MRNIP: variants seen among roughly 807,000 people sequenced by gnomAD.
MRNIP encodes the protein MRN complex-interacting protein.
A neutral mutation model predicts 29.8 loss-of-function variants in MRNIP; 30 were observed. That is an observed-to-expected ratio of 1.01 (90% CI 0.75 to 1.36). The LOEUF (loss-of-function observed/expected upper bound fraction) is 1.36, where lower values mean the gene tolerates loss of function less well. Ranked by LOEUF, MRNIP falls within the 40% of genes most tolerant of loss-of-function variation. The pLI is 0.00. For synonymous variants in MRNIP, 201 were observed against 164.1 expected (o/e 1.23, Z -1.72); for missense variants, 459 against 423.5 (o/e 1.08, Z -0.74).
chr5:179,845,716 G>C (rs956597168), intron 3 of MRNIP: 1 of 151,746 alleles, frequency 6.6e-6, no homozygotes, highest in Non-Finnish European at 1.5e-5. Context: ...AGCTGGGCTT[G>C]AACTCCTGAC....
intron 1 of MRNIP, among the ~76,000 whole-genome samples, chr5:179,856,109 C>T (rs542424861): frequency 3.0e-4 from 45 of 151,888 alleles, no homozygotes; most frequent in African/African-American, 1.1e-3. Context: ...GGTTTCACAA[C>T]ATTGCCCAGG....
chr5:179,858,366 C>A (rs1041008873), intron 1 of MRNIP, among the ~76,000 whole-genome samples: 3 of 152,226 alleles, frequency 2.0e-5, no homozygotes, highest in Admixed American at 6.5e-5. Context: ...GGAGCAGGGA[C>A]GCCGCCGCGG....
At chr5:179,850,861 C>T (rs1197000277) in intron 2 of MRNIP, among the ~76,000 whole-genome samples, 1 of 152,148 alleles carries the variant, frequency 6.6e-6, no homozygotes, top group African/African-American at 2.4e-5. Context: ...CAGCCTGGCC[C>T]TCAAAGCCTC....
At position 179,858,792 on chromosome 5, in the gene MRNIP, G is replaced by A. The variant is rs1244185331; in HGVS notation, c.5C>T (p.Ala2Val). Residue 2 changes from alanine (A) to valine (V), a missense_variant, in exon 1 of 7, where the codon GCG becomes GTG. Physicochemically the swap from Ala to Val is moderately conservative, Grantham distance 64 (BLOSUM62 0). Coordinates refer to ENST00000292586, the MANE Select transcript of MRNIP (RefSeq NM_016175.4). ...TAGCACCCGAGAACGCTGAAGCGAC[G>A]CCATCCCTGCTTGTGCAGTCGCCAG... M[A>V]SLQRSRVLRC... The A allele has an allele frequency of 5.8e-5, 90 of 1,540,626 alleles. No individual in the cohort carries two copies. Among genetic ancestry groups the A allele is most frequent in the Middle Eastern group, 1.7e-4 (1 of 6,000 alleles).
At chr5:179,839,978 TC>T (rs1282845206) in intron 6 of MRNIP, 1 of 152,016 alleles carries the variant, frequency 6.6e-6, no homozygotes, top group Non-Finnish European at 1.5e-5. Flanking sequence ...ATTTTTTTTT[TC>T]TGTTGCCCAG....
In MRNIP at chr5:179,841,889, C is replaced by G. The variant is rs184456586; in HGVS notation, c.449+18G>C. On this transcript the variant is annotated intron_variant, in intron 5 of 6. Coordinates refer to ENST00000292586, the MANE Select transcript of MRNIP (RefSeq NM_016175.4). ...CAGAGGCCCTGGGCCAGGGCTGGAA[C>G]GGAGACGCACTTGGTACCTTTTTCT... is the stretch of plus-strand genomic sequence containing the variant. The G allele has an allele frequency of 4.4e-5, 71 of 1,611,770 alleles. No homozygotes were observed. In the African/African-American group the frequency reaches 8.1e-4, roughly 18 times the overall value.
chr5:179,852,054 G>A (rs1013784925), intron 2 of MRNIP, among the ~76,000 whole-genome samples: 2 of 152,000 alleles, frequency 1.3e-5, no homozygotes, highest in East Asian at 3.9e-4. Context: ...ACGGAGGCAG[G>A]TGGATCATTT....
intron 1 of MRNIP, among the ~76,000 whole-genome samples, chr5:179,857,324 G>C (rs1432572644): frequency 6.6e-6 from 1 of 152,072 alleles, no homozygotes. Context: ...AACTGGGCTT[G>C]GTGGCGCGCG....
chr5:179,843,063 G>GGAAGGAAGGAAGGAAGGA (rs1554093130), intron 4 of MRNIP, among the ~76,000 whole-genome samples: 1 of 103,358 alleles, frequency 9.7e-6, no homozygotes, highest in Non-Finnish European at 2.3e-5. Context: ...GGAAGGAAGG[G>GGAAGGAAGGAAGGAAGGA]AGGGAGGGAG....
At chr5:179,855,417 C>T (rs1387983689) in intron 1 of MRNIP, among the ~76,000 whole-genome samples, 3 of 152,106 alleles carry the variant, frequency 2.0e-5, no homozygotes, top group Admixed American at 1.3e-4. Context: ...AGGCATGAAC[C>T]ACCAGCCCGG....
rs866694133 is a variant in MRNIP, at chr5:179,853,492, T to C, written c.67-55A>G. On this transcript the variant is annotated intron_variant, in intron 1 of 6. Transcript: ENST00000292586. ...GATAATTATTTAAAACAAAATGGAA[T>C]TGGGCTGGACTCGGTGGCTCATGCC... 8.2e-5 allele frequency: 121 copies of C among 1,471,788 alleles called. No individual in the cohort carries two copies. In the Middle Eastern group the frequency reaches 2.6e-3, roughly 32 times the overall value. 91.2% of individuals were successfully genotyped at this position (1,471,788 alleles called of 1,614,324 possible).
chr5:179,849,073 C>G (rs1759245488), intron 2 of MRNIP, among the ~76,000 whole-genome samples: 1 of 148,946 alleles, frequency 6.7e-6, no homozygotes, highest in African/African-American at 2.5e-5. Context: ...AGTACGGGTC[C>G]TGCTATGGCA....
At chr5:179,847,907 C>G in intron 3 of MRNIP, 71 bp downstream of exon 3, 1 of 1,035,488 alleles carries the variant, frequency 9.7e-7, no homozygotes. Flanking sequence ...AGGATTTCCA[C>G]TGTGTACTTC....
intron 1 of MRNIP, among the ~76,000 whole-genome samples, chr5:179,855,087 C>T (rs750427163): frequency 2.0e-5 from 3 of 152,166 alleles, no homozygotes; most frequent in Non-Finnish European, 4.4e-5. Context: ...AACTCCTGAC[C>T]TCAAATGATC....
In MRNIP at chr5:179,837,822, C is replaced by T. The variant is rs762242695; in HGVS notation, c.601G>A (p.Ala201Thr). The change falls in exon 7 of 7, where the codon GCA (alanine) becomes ACA (threonine). Residue 201 changes from alanine (A) to threonine (T), a missense_variant. Coordinates refer to ENST00000292586, the MANE Select transcript of MRNIP (RefSeq NM_016175.4). ...GSSPCLQENS[A>T]DCSAGELRGP... ...CTCAGCTCCCCGGCACTGCAGTCTG[C>T]AGAGTTCTCCTGGAGGCAGGGGCTG... is the stretch of plus-strand genomic sequence containing the variant. 1.2e-6 allele frequency: 2 copies of T among 1,613,350 alleles called. No individual in the cohort carries two copies. Among genetic ancestry groups the T allele is most frequent in the Non-Finnish European group, 8.5e-7 (1 of 1,180,046 alleles).
chr5:179,842,456 G>A (rs1428381649), intron 4 of MRNIP, among the ~76,000 whole-genome samples: 7 of 151,204 alleles, frequency 4.6e-5, no homozygotes, highest in Admixed American at 6.6e-5. Context: ...CGAGGCTGGC[G>A]GATCACAAGG....
chr5:179,849,477 A>T (rs1323637643), intron 2 of MRNIP, among the ~76,000 whole-genome samples: 4 of 99,612 alleles, frequency 4.0e-5, no homozygotes, highest in Admixed American at 1.1e-4. Context: ...TGGATCCTGC[A>T]ATGACACAGG....
At position 179,840,917 on chromosome 5, in the gene MRNIP, G is replaced by A. The variant is rs368732881; in HGVS notation, c.492C>T (p.Gly164=). The A allele has an allele frequency of 8.7e-6, 14 of 1,610,100 alleles. No homozygotes were observed. The African/African-American group carries it at 1.5e-4, about 17-fold the overall frequency. The change falls in exon 6 of 7, where the codon GGC becomes GGT. Residue 164 remains glycine, a synonymous_variant. Coordinates refer to ENST00000292586, the MANE Select transcript of MRNIP (RefSeq NM_016175.4). ...RSTVQPPCSR[G]VQDSGGSEVA... ...CCTCAGAGCCACCCGAGTCCTGCAC[G>A]CCACGGCTGCACGGAGGCTGGACGG...
intron 4 of MRNIP, among the ~76,000 whole-genome samples, chr5:179,842,587 C>T (rs1344889999): frequency 6.7e-6 from 1 of 149,704 alleles, no homozygotes; most frequent in Non-Finnish European, 1.5e-5. Context: ...GTAGTCCCAG[C>T]TACTCAGGAG....
Sources: allele counts gnomAD v4.1 joint callset (sites outside exome capture counted in the v4.1 genomes callset), GRCh38; gene constraint gnomAD v4.1.1; transcripts MANE v1.5; gene names NCBI Gene and HGNC (gene_info 2026-07-23, HGNC 2026-07-21).